The following PRDM16 variants were observed in gnomAD, a reference collection of about 807,000 sequenced individuals.
The protein encoded by PRDM16 is PR/SET domain 16, also known as histone-lysine N-methyltransferase PRDM16.
A neutral mutation model predicts 110.6 loss-of-function variants in PRDM16; 23 were observed. The observed-to-expected ratio is 0.21, with a 90% CI of 0.15 to 0.29. The LOEUF (loss-of-function observed/expected upper bound fraction) is 0.29, where lower values mean the gene tolerates loss of function less well. PRDM16 is among the 10% of genes least tolerant of loss of function. PRDM16 has a pLI of 1.00. For synonymous variants in PRDM16, 799 were observed against 781.8 expected (o/e 1.02, Z -0.37); for missense variants, 1,615 against 1,794.3 (o/e 0.90, Z 1.81).
chr1:3,222,910 G>T (rs973164983), intron 2 of PRDM16, among the ~76,000 whole-genome samples: 3 of 152,128 alleles, frequency 2.0e-5, no homozygotes, highest in Non-Finnish European at 4.4e-5. Flanking sequence ...CAAGGCCGGG[G>T]TGGAGTTTGG....
intron 2 of PRDM16, among the ~76,000 whole-genome samples, chr1:3,233,160 A>C (rs990095776): frequency 2.0e-5 from 3 of 152,122 alleles, no homozygotes; most frequent in African/African-American, 7.2e-5. Context: ...GCCCTGGAGG[A>C]GTGCCAGTGA....
intron 3 of PRDM16, among the ~76,000 whole-genome samples, chr1:3,249,022 T>C (rs1296595923): frequency 1.3e-5 from 2 of 152,224 alleles, no homozygotes; most frequent in Non-Finnish European, 1.5e-5. Context: ...CCCTGAGGTC[T>C]AAACGCAGCT....
chr1:3,150,901 G>T (rs1299567432), intron 1 of PRDM16, among the ~76,000 whole-genome samples: 1 of 101,472 alleles, frequency 9.9e-6, no homozygotes, highest in East Asian at 2.7e-4. Context: ...TATGGAAACG[G>T]GGGGGCTGGT....
intron 3 of PRDM16, among the ~76,000 whole-genome samples, chr1:3,335,887 GAGC>G (rs1642136044): frequency 1.3e-5 from 2 of 152,220 alleles, no homozygotes; most frequent in African/African-American, 4.8e-5. Flanking sequence ...AAGTGTGGGA[GAGC>G]TCAGACTGGT....
In PRDM16 at chr1:3,209,514, G is replaced by A. The variant is rs1638831323; in HGVS notation, c.387+23040G>A. On this transcript the variant is annotated intron_variant, in intron 2 of 16. Transcript: ENST00000270722. This position sits in a 1 kb window ranked among gnomAD's most constrained non-coding sequence, Gnocchi z 4.6. ...GAGGCCAGGCCTGGGTGTGGAATAG[G>A]CCTCGCTGGGAGGCCGTGGTTCTGC... is the stretch of plus-strand genomic sequence containing the variant. Among the ~76,000 whole-genome samples, 1 of 152,190 alleles carries A rather than the reference G, an allele frequency of 6.6e-6. No homozygotes were observed. The highest frequency in any genetic ancestry group is 1.5e-5 in the Non-Finnish European group (1 of 68,028).
At chr1:3,305,090 T>A (rs1641284525) in intron 3 of PRDM16, among the ~76,000 whole-genome samples, 1 of 152,168 alleles carries the variant, frequency 6.6e-6, no homozygotes, top group African/African-American at 2.4e-5. Flanking sequence ...CCGGAAAGCC[T>A]GTGTAGTGCT....
chr1:3,184,043 G>T (rs977555749), intron 1 of PRDM16, among the ~76,000 whole-genome samples: 1 of 152,164 alleles, frequency 6.6e-6, no homozygotes, highest in African/African-American at 2.4e-5. Context: ...GCGGGGCGGG[G>T]GTTATGGGGG....
chr1:3,429,322 C>T (rs549341296), intron 14 of PRDM16, among the ~76,000 whole-genome samples: 6 of 152,242 alleles, frequency 3.9e-5, no homozygotes, highest in South Asian at 4.1e-4. Flanking sequence ...GTGTCCGTGC[C>T]GGATGCTCCG....
chr1:3,096,012 AC>A (rs1200512498), intron 1 of PRDM16, among the ~76,000 whole-genome samples: 2 of 151,718 alleles, frequency 1.3e-5, no homozygotes, highest in Non-Finnish European at 2.9e-5. Context: ...CCTGGCTGGG[AC>A]ACCCCACTTT....
chr1:3,419,793 C>A (rs1302307891), intron 12 of PRDM16, among the ~76,000 whole-genome samples: 1 of 152,028 alleles, frequency 6.6e-6, no homozygotes, highest in Admixed American at 6.6e-5. Context: ...TGGTCACTGA[C>A]CCCCACTCTG....
intron 1 of PRDM16, among the ~76,000 whole-genome samples, chr1:3,091,591 T>A (rs1424469427): frequency 6.6e-6 from 1 of 152,086 alleles, no homozygotes; most frequent in Non-Finnish European, 1.5e-5. Context: ...GAGGCTGGGG[T>A]CCTTGCTGCG....
intron 3 of PRDM16, among the ~76,000 whole-genome samples, chr1:3,372,837 C>T (rs927404378): frequency 3.9e-5 from 6 of 152,214 alleles, no homozygotes; most frequent in Admixed American, 2.6e-4. Flanking sequence ...GAGCCTGAGT[C>T]AGGGCCACGG....
chr1:3,409,847 GGT>G (rs375769462), intron 8 of PRDM16, among the ~76,000 whole-genome samples: 1,257 of 51,904 alleles, frequency 0.024, 22 homozygotes, highest in African/African-American at 0.18. Context: ...GTGTGGTGTG[GGT>G]GTGTGTGTGG....
intron 3 of PRDM16, among the ~76,000 whole-genome samples, chr1:3,247,524 C>G (rs1005918213): frequency 2.0e-5 from 3 of 152,204 alleles, no homozygotes; most frequent in Non-Finnish European, 4.4e-5. Context: ...GCCCCCACCC[C>G]AGGAGGGCGG....
intron 1 of PRDM16, among the ~76,000 whole-genome samples, chr1:3,088,256 C>T (rs994003860): frequency 6.6e-6 from 1 of 151,798 alleles, no homozygotes; most frequent in Non-Finnish European, 1.5e-5. Context: ...AGCTGGGGAC[C>T]GGAGTCACTG....
chr1:3,377,553 G>A (rs923596227), intron 3 of PRDM16, among the ~76,000 whole-genome samples: 1 of 152,196 alleles, frequency 6.6e-6, no homozygotes, highest in African/African-American at 2.4e-5. Context: ...ATGAGCTGGG[G>A]GAGCTGCCCG....
intron 14 of PRDM16, among the ~76,000 whole-genome samples, chr1:3,428,078 G>A (rs1478679954): frequency 6.6e-6 from 1 of 152,236 alleles, no homozygotes; most frequent in Non-Finnish European, 1.5e-5. Flanking sequence ...TGGCATCCTT[G>A]CCGGGGTGGG....
At chr1:3,142,566 A>G (rs1006039071) in intron 1 of PRDM16, among the ~76,000 whole-genome samples, 19 of 152,198 alleles carry the variant, frequency 1.2e-4, no homozygotes, top group African/African-American at 4.6e-4. Flanking sequence ...GGCGTGTGGC[A>G]CCCAGACGTT....
At chr1:3,342,911 G>A (rs1250400357) in intron 3 of PRDM16, among the ~76,000 whole-genome samples, 1 of 152,110 alleles carries the variant, frequency 6.6e-6, no homozygotes, top group African/African-American at 2.4e-5. Flanking sequence ...GGCGTTTTGG[G>A]TTGTATCAGA....
Sources: gnomAD v4.1 joint callset for allele counts (sites outside exome capture counted in the v4.1 genomes callset) on GRCh38, gnomAD v4.1.1 for gene constraint, Gnocchi (gnomAD v3.1) non-coding constraint, MANE v1.5 for transcripts, NCBI Gene and HGNC (gene_info 2026-07-23, HGNC 2026-07-21) for gene names.